Variants in LURAP1 observed in about 807,000 individuals in gnomAD.
LURAP1 encodes the protein leucine rich adaptor protein 1, also known as NF-kappa-B activator C1orf190.
A neutral mutation model predicts 19.0 loss-of-function variants in LURAP1; 14 were observed. That is an observed-to-expected ratio of 0.74 (90% confidence interval 0.49 to 1.15). The LOEUF (loss-of-function observed/expected upper bound fraction) is 1.15. LURAP1 is among the 50% of genes most tolerant of loss of function. LURAP1 has a pLI of 0.00. For synonymous variants in LURAP1, 129 were observed against 131.8 expected (o/e 0.98, Z 0.14); for missense variants, 273 against 309.1 (o/e 0.88, Z 0.87).
Position 46,203,356 on chromosome 1 carries a change from G to C in LURAP1, c.-71G>C. On this transcript the variant is annotated 5_prime_UTR_variant, in exon 1 of 2. Coordinates refer to ENST00000371980, the MANE Select transcript of LURAP1 (RefSeq NM_001013615.3). ...ACCGGTTTTGCTCCGCTTTAGCAGC[G>C]GCGAAGGGAGGACCCCCGGGAGCCG... The C allele has an allele frequency of 7.2e-7, 1 of 1,380,078 alleles. No individual in the cohort carries two copies. Among genetic ancestry groups the C allele is most frequent in the Non-Finnish European group, 9.6e-7 (1 of 1,045,154 alleles). The allele number at this position is 1,380,078 out of a possible 1,614,324, so 85.5% of individuals were successfully genotyped here. A position where few individuals can be genotyped will look rare whatever the true frequency, so the allele number is the denominator to read the frequency against.
intron 1 of LURAP1, among the ~76,000 whole-genome samples, chr1:46,206,796 G>T (rs979411600): frequency 2.0e-5 from 3 of 152,188 alleles, no homozygotes; most frequent in African/African-American, 7.2e-5. Flanking sequence ...TCACAGAACT[G>T]AATGTGACCT....
intron 1 of LURAP1, among the ~76,000 whole-genome samples, chr1:46,217,437 A>G (rs1243852528): frequency 3.3e-5 from 5 of 152,256 alleles, no homozygotes; most frequent in Non-Finnish European, 7.3e-5. Flanking sequence ...AGTAAACTAC[A>G]TGGCTTAGCT....
At position 46,212,054 on chromosome 1, in the gene LURAP1, AC is replaced by A. The variant is rs1658913851; in HGVS notation, c.199-7643del. ...CGGGATTACAGGAGTGAGCTACCAC[AC>A]CTGGCCTCAATGTACAAATATTAAT... On this transcript the variant is annotated intron_variant, in intron 1 of 1. Transcript: ENST00000371980. Among the ~76,000 whole-genome samples the A allele has an allele frequency of 1.3e-5, 2 of 152,060 alleles. 1 individual carries two copies. The highest frequency in any genetic ancestry group is 4.1e-4 in the South Asian group (2 of 4,820).
chr1:46,208,064 T>C (rs1231557499), intron 1 of LURAP1, among the ~76,000 whole-genome samples: 1 of 151,800 alleles, frequency 6.6e-6, no homozygotes, highest in Non-Finnish European at 1.5e-5. Context: ...TTCACCACGT[T>C]GGCCAGGCTG....
rs1659177833 is a variant in LURAP1, at chr1:46,219,835, A to G, written c.335A>G (p.Tyr112Cys). Residue 112 changes from tyrosine (Y) to cysteine (C), a missense_variant, in exon 2 of 2, where the codon TAT becomes TGT. By Grantham distance (194) the Tyr-to-Cys change is radical. Coordinates refer to ENST00000371980, the MANE Select transcript of LURAP1 (RefSeq NM_001013615.3). ...TGCAGCAGCCTCACCAGCAGTCAAT[A>G]TAGCCTGACAGGCGGGAGCCCAGGC... ...SHCSSLTSSQ[Y>C]SLTGGSPGRS... is the part of the protein sequence containing the mutation. 6.8e-6 allele frequency: 11 copies of G among 1,614,218 alleles called. No homozygotes were observed. Among genetic ancestry groups the G allele is most frequent in the Non-Finnish European group, 9.3e-6 (11 of 1,180,034 alleles).
chr1:46,217,717 C>T lies in LURAP1; in HGVS notation c.199-1982C>T, dbSNP rs148115557. On this transcript the variant is annotated intron_variant, in intron 1 of 1. Transcript: ENST00000371980. ...ACTAAAAATACAAAAATTAGCCAGG[C>T]GTGGTAGGTGATACTTGTAATCCCA... is the stretch of plus-strand genomic sequence containing the variant. Among the ~76,000 whole-genome samples, 1,144 of 152,074 alleles carry T rather than the reference C, an allele frequency of 7.5e-3. 9 individuals are homozygous for T. Among genetic ancestry groups the T allele is most frequent in the South Asian group, 0.026 (125 of 4,806 alleles).
At chr1:46,209,514 G>A (rs1157699540) in intron 1 of LURAP1, among the ~76,000 whole-genome samples, 2 of 151,266 alleles carry the variant, frequency 1.3e-5, no homozygotes, top group East Asian at 3.9e-4. Flanking sequence ...GAAGACTGGA[G>A]ATGTAAGTTC....
intron 1 of LURAP1, among the ~76,000 whole-genome samples, chr1:46,206,534 C>T (rs1476921623): frequency 1.3e-5 from 2 of 152,132 alleles, no homozygotes; most frequent in South Asian, 4.1e-4. Flanking sequence ...GCCTCTGAGG[C>T]TGCATCTCTC....
At chr1:46,219,236 G>A (rs1178859312) in intron 1 of LURAP1, among the ~76,000 whole-genome samples, 8 of 151,616 alleles carry the variant, frequency 5.3e-5, no homozygotes, top group Non-Finnish European at 7.4e-5. Context: ...CGGAGGTTGC[G>A]GTGAGCTGAG....
intron 1 of LURAP1, among the ~76,000 whole-genome samples, chr1:46,213,990 G>C (rs1658982720): frequency 6.6e-6 from 1 of 152,136 alleles, no homozygotes; most frequent in Non-Finnish European, 1.5e-5. Flanking sequence ...CACTCTGAAG[G>C]GTGAGCAGCA....
intron 1 of LURAP1, among the ~76,000 whole-genome samples, chr1:46,215,092 G>C (rs1286570978): frequency 6.6e-6 from 1 of 151,898 alleles, no homozygotes; most frequent in East Asian, 1.9e-4. Context: ...CGGGTGTGGT[G>C]GTGGGCACCT....
At chr1:46,218,361 G>A (rs1020210532) in intron 1 of LURAP1, among the ~76,000 whole-genome samples, 4 of 152,340 alleles carry the variant, frequency 2.6e-5, no homozygotes, top group East Asian at 1.9e-4. Flanking sequence ...ACTCTAGCCT[G>A]AGTGACAGAA....
At chr1:46,208,651 T>C (rs1040396233) in intron 1 of LURAP1, among the ~76,000 whole-genome samples, 1 of 152,104 alleles carries the variant, frequency 6.6e-6, no homozygotes, top group African/African-American at 2.4e-5. Flanking sequence ...GAGACCAGCC[T>C]GACCAACATG....
rs1658619518 is a variant in LURAP1, at chr1:46,203,629, G to A, written c.198+5G>A. 1 of 1,601,322 alleles carries A rather than the reference G, an allele frequency of 6.2e-7. No individual in the cohort carries two copies. Among genetic ancestry groups the A allele is most frequent in the Non-Finnish European group, 8.5e-7 (1 of 1,175,750 alleles). ...ATGGCGCTGAAGATGGAGCTGGTGA[G>A]TGCTGAATCCATGGGCCAAGGGGAC... is the stretch of plus-strand genomic sequence containing the variant. On this transcript the variant is annotated splice_donor_5th_base_variant and intron_variant, in intron 1 of 1. Transcript: ENST00000371980.
chr1:46,214,867 CA>C (rs5773905), intron 1 of LURAP1, among the ~76,000 whole-genome samples: 71 of 89,520 alleles, frequency 7.9e-4, no homozygotes, highest in African/African-American at 2.8e-3. Flanking sequence ...GACTCCATCT[CA>C]AAAAAAAAAA....
At chr1:46,210,850 C>T (rs1658871879) in intron 1 of LURAP1, among the ~76,000 whole-genome samples, 5 of 152,186 alleles carry the variant, frequency 3.3e-5, no homozygotes, top group Non-Finnish European at 2.9e-5. Context: ...TCACAGCTCA[C>T]TGCAGCCTGT....
intron 1 of LURAP1, among the ~76,000 whole-genome samples, chr1:46,216,561 C>T (rs1659077989): frequency 6.6e-6 from 1 of 152,102 alleles, no homozygotes; most frequent in Admixed American, 6.6e-5. Flanking sequence ...AGGCTGATCT[C>T]AAACTCCTAG....
chr1:46,212,304 G>A (rs1352946769), intron 1 of LURAP1, among the ~76,000 whole-genome samples: 6 of 146,370 alleles, frequency 4.1e-5, no homozygotes, highest in African/African-American at 1.0e-4. Context: ...TTTTTGAGAC[G>A]GAGTCTTGCT....
chr1:46,217,456 C>A (rs1452654972), intron 1 of LURAP1, among the ~76,000 whole-genome samples: 1 of 152,240 alleles, frequency 6.6e-6, no homozygotes, highest in Non-Finnish European at 1.5e-5. Flanking sequence ...CTGTGAAGAG[C>A]ATTTCCAAAT....
Sources: gnomAD v4.1 joint callset for allele counts (sites outside exome capture counted in the v4.1 genomes callset) on GRCh38, gnomAD v4.1.1 for gene constraint, MANE v1.5 for transcripts, NCBI Gene and HGNC (gene_info 2026-07-23, HGNC 2026-07-21) for gene names.